SLC39A12: variants seen among roughly 807,000 people sequenced by gnomAD.
The protein encoded by SLC39A12 is zinc transporter ZIP12.
A neutral mutation model predicts 71.1 loss-of-function variants in SLC39A12; 63 were observed. That is an observed-to-expected ratio of 0.89 (90% CI 0.72 to 1.09). The LOEUF is 1.09. Among genes scored for constraint, SLC39A12 ranks in the 50% least tolerant of loss-of-function variants. SLC39A12 has a pLI of 0.00. For missense variants in SLC39A12, 892 were observed against 812.6 expected, an observed-to-expected ratio of 1.10 and a Z score of -1.19; for synonymous variants, 351 against 301.3, an observed-to-expected ratio of 1.16 and a Z score of -1.71.
chr10:17,993,266 G>A lies in SLC39A12; in HGVS notation c.1508G>A (p.Gly503Asp). The stretch of plus-strand genomic sequence containing the variant: ...GAATTAAGTGACCAGGCAGGCAGAG[G>A]CAAATCTGCTTCAACTATCCAGTTG... ...NSELSDQAGR[G>D]KSASTIQLKS... The change falls in exon 9 of 13, where the codon GGC becomes GAC. Residue 503 changes from glycine (G) to aspartate (D), a missense_variant. Gly to Asp is a moderately conservative substitution (Grantham distance 94). Transcript: ENST00000377369. The A allele has an allele frequency of 6.4e-7, 1 of 1,551,776 alleles. No individual in the cohort carries two copies. Among genetic ancestry groups the A allele is most frequent in the Non-Finnish European group, 8.7e-7 (1 of 1,146,852 alleles).
At position 18,036,788 on chromosome 10, in the gene SLC39A12, A is replaced by ATTT. The variant is rs1319675306; in HGVS notation, c.1948-5916_1948-5915insTTT. Among the ~76,000 whole-genome samples the ATTT allele has an allele frequency of 2.5e-3, 43 of 17,012 alleles. 4 individuals are homozygous for ATTT. The highest frequency in any genetic ancestry group is 5.6e-3 in the South Asian group (3 of 538). The allele number at this position is 17,012 out of a possible 152,430, so 11.2% of individuals were successfully genotyped here. On this transcript the variant is annotated intron_variant, in intron 12 of 12. Coordinates refer to ENST00000377369, the MANE Select transcript of SLC39A12 (RefSeq NM_001145195.2). ...TATATATATATATATATATATATATATATATATTTTTTTTTTTAATGGAAT... is the reference window on the plus strand; with the variant it reads ...TATATATATATATATATATATATATATTTTATATATTTTTTTTTTTAATGGAAT...
At chr10:18,037,670 T>C (rs931567441) in intron 12 of SLC39A12, among the ~76,000 whole-genome samples, 1 of 152,144 alleles carries the variant, frequency 6.6e-6, no homozygotes, top group African/African-American at 2.4e-5. Flanking sequence ...AAATAAGCAT[T>C]GCATAAGACT....
At chr10:18,036,794 A>ATATATTTTTTTTT (rs1554855475) in intron 12 of SLC39A12, among the ~76,000 whole-genome samples, 1 of 92,862 alleles carries the variant, frequency 1.1e-5, no homozygotes, top group Non-Finnish European at 1.9e-5. Context: ...ATATATATAT[A>ATATATTTTTTTTT]TTTTTTTTTT....
chr10:17,990,156 G>A (rs958231444), intron 7 of SLC39A12, among the ~76,000 whole-genome samples: 4 of 152,268 alleles, frequency 2.6e-5, no homozygotes, highest in Admixed American at 1.3e-4. Flanking sequence ...TATTACAAAT[G>A]TTCCCTATTT....
In SLC39A12 at chr10:18,000,830, G is replaced by A; in HGVS notation, c.1759+5G>A. The A allele has an allele frequency of 6.2e-7, 1 of 1,612,938 alleles. No individual in the cohort carries two copies. On this transcript the variant is annotated splice_donor_5th_base_variant and intron_variant, in intron 11 of 12. Coordinates refer to ENST00000377369, the MANE Select transcript of SLC39A12 (RefSeq NM_001145195.2). ...ATGAAATCCCACATGAAATGGGTAA[G>A]TTCAACAATGGAATTACTGTTTCTG...
intron 4 of SLC39A12, among the ~76,000 whole-genome samples, chr10:17,972,335 T>G (rs1261591738): frequency 6.6e-6 from 1 of 152,140 alleles, no homozygotes. Flanking sequence ...GTTCTGTAAA[T>G]ATATATTAGC....
chr10:17,999,342 A>G (rs908546507), intron 10 of SLC39A12, among the ~76,000 whole-genome samples: 4 of 151,204 alleles, frequency 2.6e-5, no homozygotes, highest in African/African-American at 9.7e-5. Flanking sequence ...ATTCAGTTCT[A>G]ACAGTAACAG....
At position 17,998,320 on chromosome 10, in the gene SLC39A12, C is replaced by T. The variant is rs995798265; in HGVS notation, c.1601-2347C>T. On this transcript the variant is annotated intron_variant, in intron 10 of 12. Transcript: ENST00000377369. ...CAGAGTGTAATATTGGCTAAAAATC[C>T]TCCTTTGGAATATATGCTATTAATA... Among the ~76,000 whole-genome samples, 12 of 152,258 alleles carry T rather than the reference C, an allele frequency of 7.9e-5. No homozygotes were observed. The South Asian group carries it at 2.3e-3, about 29-fold the overall frequency.
rs554099469 is a variant in SLC39A12 at position 17,993,293 on chromosome 10, T to G, written c.1533+2T>G. ...AAATCTGCTTCAACTATCCAGTTGGTAGGTTCCTGATCTGAAGCATTCTAC... is the reference window on the plus strand; with the variant it reads ...AAATCTGCTTCAACTATCCAGTTGGGAGGTTCCTGATCTGAAGCATTCTAC... On this transcript the variant is annotated splice_donor_variant, in intron 9 of 12. Coordinates refer to ENST00000377369, the MANE Select transcript of SLC39A12 (RefSeq NM_001145195.2). LOFTEE classifies it high-confidence loss of function. 6.5e-7 allele frequency: 1 copy of G among 1,539,710 alleles called. No individual in the cohort carries two copies.
intron 12 of SLC39A12, among the ~76,000 whole-genome samples, chr10:18,030,453 A>G (rs1022359761): frequency 7.9e-5 from 12 of 151,538 alleles, no homozygotes; most frequent in African/African-American, 2.9e-4. Context: ...GTTAGCCAGG[A>G]TAGTCTCAAT....
At chr10:17,981,505 A>C (rs1311968684) in intron 6 of SLC39A12, 22 bp downstream of exon 6, 1 of 1,590,168 alleles carries the variant, frequency 6.3e-7, no homozygotes, top group Middle Eastern at 1.8e-4. Flanking sequence ...ATCTTCCTTC[A>C]GAAAGCTGAT....
At chr10:17,978,852 AT>A (rs1835182512) in intron 5 of SLC39A12, among the ~76,000 whole-genome samples, 1 of 152,126 alleles carries the variant, frequency 6.6e-6, no homozygotes, top group African/African-American at 2.4e-5. Flanking sequence ...TAGGTTGATC[AT>A]TTTCCAAGGG....
At position 17,981,508 on chromosome 10, in the gene SLC39A12, A is replaced by G. The variant is rs762231394; in HGVS notation, c.1096+25A>G. The G allele has an allele frequency of 2.5e-6, 4 of 1,584,290 alleles. No homozygotes were observed. In the Admixed American group the frequency reaches 7.0e-5, roughly 28 times the overall value. ...AGTAAGTTCTGGATCTTCCTTCAGAAAGCTGATGTGCACAATGTATGCAAT... is the reference window on the plus strand; with the variant it reads ...AGTAAGTTCTGGATCTTCCTTCAGAGAGCTGATGTGCACAATGTATGCAAT... On this transcript the variant is annotated intron_variant, in intron 6 of 12. Transcript: ENST00000377369.
chr10:18,032,943 G>A (rs954543213), intron 12 of SLC39A12, among the ~76,000 whole-genome samples: 9 of 135,014 alleles, frequency 6.7e-5, no homozygotes, highest in African/African-American at 2.6e-4. Context: ...TTTATATGCT[G>A]GATTACATTA....
rs1463968881 is a variant in SLC39A12 at position 17,965,593 on chromosome 10, G to A, written c.654G>A (p.Gln218=). The change falls in exon 4 of 13, where the codon CAG becomes CAA. Residue 218 remains glutamine (Q), a synonymous_variant. Coordinates refer to ENST00000377369, the MANE Select transcript of SLC39A12 (RefSeq NM_001145195.2). ...LAAMIITLSL[Q]GVCLGQGNLP... ...CCATGATCATTACTTTGTCCCTCCAGGGTGTTTGTCTGGGACAAGGAAACT... is the reference window on the plus strand; with the variant it reads ...CCATGATCATTACTTTGTCCCTCCAAGGTGTTTGTCTGGGACAAGGAAACT... The A allele has an allele frequency of 1.9e-6, 3 of 1,614,150 alleles. No homozygotes were observed. Among genetic ancestry groups the A allele is most frequent in the Admixed American group, 3.3e-5 (2 of 60,024 alleles).
At chr10:18,006,304 T>C (rs1396073990) in intron 12 of SLC39A12, among the ~76,000 whole-genome samples, 1 of 152,232 alleles carries the variant, frequency 6.6e-6, no homozygotes, top group Non-Finnish European at 1.5e-5. Context: ...AAGTCCTTTC[T>C]GGGGAAAAGT....
chr10:18,031,369 G>A (rs1255633707), intron 12 of SLC39A12, among the ~76,000 whole-genome samples: 12 of 138,630 alleles, frequency 8.7e-5, no homozygotes, highest in Non-Finnish European at 1.9e-4. Flanking sequence ...ATCTCATAGT[G>A]GTTTTGATTT....
chr10:18,037,673 A>G (rs1037748617), intron 12 of SLC39A12, among the ~76,000 whole-genome samples: 1 of 152,210 alleles, frequency 6.6e-6, no homozygotes, highest in Non-Finnish European at 1.5e-5. Flanking sequence ...TAAGCATTGC[A>G]TAAGACTTTG....
At chr10:17,990,969 G>A (rs1589234816) in intron 7 of SLC39A12, among the ~76,000 whole-genome samples, 182 bp from the exon 8 acceptor site, 2 of 152,268 alleles carry the variant, frequency 1.3e-5, no homozygotes, top group Admixed American at 6.5e-5. Context: ...GAAGTGTATA[G>A]TGGAAGCATT....
Sources: allele counts gnomAD v4.1 joint callset (sites outside exome capture counted in the v4.1 genomes callset), GRCh38; gene constraint gnomAD v4.1.1; transcripts MANE v1.5; gene names NCBI Gene and HGNC (gene_info 2026-07-23, HGNC 2026-07-21).